ZNF43: variants seen among roughly 807,000 people sequenced by gnomAD.
ZNF43 encodes zinc finger protein 39-like 1 (KOX 27).
ZNF43 carries 44 observed loss-of-function variants against 68.4 expected under a neutral mutation model. The observed-to-expected ratio is 0.64, with a 90% CI of 0.51 to 0.83. The LOEUF (loss-of-function observed/expected upper bound fraction) is 0.83, where lower values mean the gene tolerates loss of function less well. Ranked by LOEUF, ZNF43 falls within the 40% of genes least tolerant of loss-of-function variation. ZNF43 has a pLI of 0.00. For synonymous variants in ZNF43, 308 were observed against 307.8 expected, an observed-to-expected ratio of 1.00 and a Z score of -0.01; for missense variants, 896 against 933.2, an observed-to-expected ratio of 0.96 and a Z score of 0.52.
rs760372573 is a variant in ZNF43, at chr19:21,835,999, C to T, written c.3+37G>A. ...GGAAGGCCTGAGTCACGCCACAGCC[C>T]CTTCCCCCTCTCGGGATGTCGGACC... is the stretch of plus-strand genomic sequence containing the variant. On this transcript the variant is annotated intron_variant, in intron 1 of 3. Coordinates refer to ENST00000354959, the MANE Select transcript of ZNF43 (RefSeq NM_003423.4). 8 of 1,613,632 alleles carry T rather than the reference C, an allele frequency of 5.0e-6. No homozygotes were observed. In the African/African-American group the frequency reaches 1.1e-4, roughly 22 times the overall value.
At chr19:21,849,109 G>A (rs1192483151) in intron 1 of ZNF43, among the ~76,000 whole-genome samples, 1 of 152,080 alleles carries the variant, frequency 6.6e-6, no homozygotes, top group Non-Finnish European at 1.5e-5. Flanking sequence ...TGGTGGGGTG[G>A]GCAAAGAAGA....
intron 1 of ZNF43, chr19:21,827,152 G>GA (rs2145281362): frequency 6.6e-6 from 1 of 152,148 alleles, no homozygotes; most frequent in South Asian, 2.1e-4. Context: ...TGAGCATTAT[G>GA]AAAAAAATAT....
At chr19:21,836,231 G>C (rs1319102441), upstream of ZNF43, 1 of 1,418,704 alleles carries the variant, frequency 7.0e-7, no homozygotes. Context: ...CCTGCCCCGT[G>C]CCTGATTGGA....
At position 21,836,167 on chromosome 19, in the gene ZNF43, A is replaced by T. The variant is rs2038723442; in HGVS notation, c.-129T>A. ...GAACGAAGACGAGACGCAGAGCTCC[A>T]ACTGCAGCCAGAGACAAAGGCCCCG... On this transcript the variant is annotated 5_prime_UTR_variant, in exon 1 of 4. Transcript: ENST00000354959. 1 of 1,556,548 alleles carries T rather than the reference A, an allele frequency of 6.4e-7. No individual in the cohort carries two copies. The highest frequency in any genetic ancestry group is 8.7e-7 in the Non-Finnish European group (1 of 1,150,172).
In ZNF43 at chr19:21,807,599, A is replaced by G. The variant is rs1367534224; in HGVS notation, c.*8T>C. On this transcript the variant is annotated 3_prime_UTR_variant, in exon 4 of 4. Coordinates refer to ENST00000354959, the MANE Select transcript of ZNF43 (RefSeq NM_003423.4). ...CTTTACATTTCTAGAATTTCTCACC[A>G]GTATAATTTATTTTATGTTTGAAAA... 2.0e-6 allele frequency: 3 copies of G among 1,522,562 alleles called. No individual in the cohort carries two copies. The East Asian group carries it at 6.8e-5, about 35-fold the overall frequency. 94.3% of individuals were successfully genotyped at this position (1,522,562 alleles called of 1,614,324 possible). A position where few individuals can be genotyped will look rare whatever the true frequency, so the allele number is the denominator to read the frequency against.
At chr19:21,826,852 G>A (rs2038151355) in intron 1 of ZNF43, 1 of 143,468 alleles carries the variant, frequency 7.0e-6, no homozygotes, top group African/African-American at 2.8e-5. Context: ...AAAAAAAACT[G>A]TTGGGTTTTC....
chr19:21,831,857 G>A (rs138789695), intron 1 of ZNF43, among the ~76,000 whole-genome samples: 2,355 of 152,122 alleles, frequency 0.015, 26 homozygotes, highest in Non-Finnish European at 0.027. Flanking sequence ...TCTATGACAA[G>A]AATTTTAAAA....
In ZNF43 at chr19:21,809,662, C is replaced by A; in HGVS notation, c.375G>T (p.Lys125Asn). ...KKDHKSVDEC[K>N]VHRGGYNGFN... Reference sequence around the variant, plus strand: ...ATCCATTATAACCTCCTCTGTGCACCTTACACTCATCCACACTTTTATGGT... The same window carrying A: ...ATCCATTATAACCTCCTCTGTGCACATTACACTCATCCACACTTTTATGGT... Residue 125 changes from lysine (K) to asparagine (N), a missense_variant, in exon 4 of 4, where the codon AAG becomes AAT. Coordinates refer to ENST00000354959, the MANE Select transcript of ZNF43 (RefSeq NM_003423.4). The A allele has an allele frequency of 1.2e-6, 2 of 1,613,444 alleles. No homozygotes were observed. Among genetic ancestry groups the A allele is most frequent in the Non-Finnish European group, 1.7e-6 (2 of 1,179,826 alleles).
chr19:21,821,600 T>C (rs1271770370), intron 1 of ZNF43, among the ~76,000 whole-genome samples: 1 of 152,172 alleles, frequency 6.6e-6, no homozygotes, highest in African/African-American at 2.4e-5. Context: ...ATAGAAATCT[T>C]GAGTATCCAC....
Position 21,807,653 on chromosome 19 carries a change from A to C in ZNF43, c.2384T>G (p.Val795Gly). ...TGEKLYKPED[V>G]TVILTTPQTF... ...TTGAGGTGTTGTCAAAATCACTGTC[A>C]CATCTTCAGGTTTGTAGAGTTTCTC... Residue 795 changes from valine to glycine, a missense_variant, in exon 4 of 4, where the codon GTG becomes GGG. Physicochemically the swap from Val to Gly is moderately radical, Grantham distance 109. Coordinates refer to ENST00000354959, the MANE Select transcript of ZNF43 (RefSeq NM_003423.4). 6.4e-7 allele frequency: 1 copy of C among 1,572,690 alleles called. No homozygotes were observed. Among genetic ancestry groups the C allele is most frequent in the Non-Finnish European group, 8.6e-7 (1 of 1,161,842 alleles).
intron 1 of ZNF43, among the ~76,000 whole-genome samples, chr19:21,844,771 C>T (rs913715410): frequency 1.5e-4 from 23 of 150,674 alleles, no homozygotes; most frequent in Non-Finnish European, 2.8e-4. Context: ...GTGGCAGACA[C>T]CTGTAGTCCC....
At chr19:21,829,765 A>C (rs937490401) in intron 1 of ZNF43, among the ~76,000 whole-genome samples, 1 of 152,192 alleles carries the variant, frequency 6.6e-6, no homozygotes, top group African/African-American at 2.4e-5. Flanking sequence ...AGGTCTCTGG[A>C]CATATTGAAC....
In ZNF43 at chr19:21,836,021, G is replaced by C. The variant is rs1210579406; in HGVS notation, c.3+15C>G. ...GCCCCTTCCCCCTCTCGGGATGTCG[G>C]ACCGGCACTCTCACCATTTCTAGGC... On this transcript the variant is annotated intron_variant, in intron 1 of 3. Coordinates refer to ENST00000354959, the MANE Select transcript of ZNF43 (RefSeq NM_003423.4). The C allele has an allele frequency of 6.2e-7, 1 of 1,613,986 alleles. No individual in the cohort carries two copies. The highest frequency in any genetic ancestry group is 1.7e-5 in the Admixed American group (1 of 60,020).
chr19:21,823,963 T>G (rs1163538465), intron 1 of ZNF43, among the ~76,000 whole-genome samples: 1 of 151,996 alleles, frequency 6.6e-6, no homozygotes, highest in Non-Finnish European at 1.5e-5. Context: ...GGTGGGTGGA[T>G]CACGAGGTCA....
intron 1 of ZNF43, among the ~76,000 whole-genome samples, chr19:21,850,447 C>T (rs1968269592): frequency 6.6e-6 from 1 of 152,184 alleles, no homozygotes; most frequent in South Asian, 2.1e-4. Context: ...GTAATCCCAG[C>T]ACTTCAGGAG....
rs1255386178 is a variant in ZNF43 at position 21,809,012 on chromosome 19, T to C, written c.1025A>G (p.Tyr342Cys). ...GGCTTTGCCACATTCTTCACATGTG[T>C]AGGGTTTCTCTCCAGTATGAATTCT... ...HKRIHTGEKPYTCEECGKAFN... is the reference protein window; with the variant it reads ...HKRIHTGEKPCTCEECGKAFN... The change falls in exon 4 of 4, where the codon TAC becomes TGC. Residue 342 changes from tyrosine to cysteine, a missense_variant. Tyr to Cys is a radical substitution (Grantham distance 194, BLOSUM62 -2). Coordinates refer to ENST00000354959, the MANE Select transcript of ZNF43 (RefSeq NM_003423.4). 1.2e-6 allele frequency: 2 copies of C among 1,613,556 alleles called. No homozygotes were observed. Among genetic ancestry groups the C allele is most frequent in the Non-Finnish European group, 1.7e-6 (2 of 1,179,754 alleles).
chr19:21,812,271 C>T lies in ZNF43; in HGVS notation c.230-2464G>A, dbSNP rs571872986. 1.3e-3 allele frequency among the ~76,000 whole-genome samples: 205 copies of T among 152,220 alleles called. 1 individual carries two copies. The highest frequency in any genetic ancestry group is 4.1e-3 in the African/African-American group (171 of 41,528). ...CCTCCCGAGTAGCTGGGATTACAGG[C>T]GCGCACCACCACGCCCGGCTAATTT... is the stretch of plus-strand genomic sequence containing the variant. On this transcript the variant is annotated intron_variant, in intron 3 of 3. Transcript: ENST00000354959.
chr19:21,836,115 G>T lies in ZNF43; in HGVS notation c.-77C>A. ...CGCAGGTCACAGAGCCACAGAGGCT[G>T]GACCTCTAGCAGCAGAGGACACAGA... On this transcript the variant is annotated 5_prime_UTR_variant, in exon 1 of 4. Transcript: ENST00000354959. 6.2e-7 allele frequency: 1 copy of T among 1,609,908 alleles called. No homozygotes were observed. Among genetic ancestry groups the T allele is most frequent in the South Asian group, 1.1e-5 (1 of 90,838 alleles).
chr19:21,824,005 C>A (rs1332791893), intron 1 of ZNF43, among the ~76,000 whole-genome samples: 1 of 152,042 alleles, frequency 6.6e-6, no homozygotes, highest in Non-Finnish European at 1.5e-5. Flanking sequence ...CACGGTGAAA[C>A]CCTGTCTCTA....
Sources: allele counts gnomAD v4.1 joint callset (sites outside exome capture counted in the v4.1 genomes callset), GRCh38; gene constraint gnomAD v4.1.1; transcripts MANE v1.5; gene names NCBI Gene and HGNC (gene_info 2026-07-23, HGNC 2026-07-21).